KIAA1217: variants seen among roughly 807,000 people sequenced by gnomAD.
KIAA1217 encodes the protein sickle tail protein homolog.
A neutral mutation model predicts 163.9 loss-of-function variants in KIAA1217; 88 were observed. The ratio of observed to expected loss-of-function variants is 0.54; its 90% CI spans 0.45 to 0.64. The LOEUF (loss-of-function observed/expected upper bound fraction) is 0.64, where lower values mean the gene tolerates loss of function less well. Among genes scored for constraint, KIAA1217 ranks in the 30% least tolerant of loss-of-function variants. KIAA1217 has a pLI of 0.00. For synonymous variants in KIAA1217, 903 were observed against 923.1 expected (o/e 0.98, Z 0.39); for missense variants, 2,372 against 2,475.0 (o/e 0.96, Z 0.88).
At chr10:23,942,003 C>T (rs1027689872) in intron 1 of KIAA1217, among the ~76,000 whole-genome samples, 10 of 152,160 alleles carry the variant, frequency 6.6e-5, no homozygotes, top group East Asian at 5.8e-4. Flanking sequence ...AGATCTACAC[C>T]GCACAGAGGA....
At chr10:23,980,910 G>A (rs1845737543) in intron 1 of KIAA1217, among the ~76,000 whole-genome samples, 1 of 152,174 alleles carries the variant, frequency 6.6e-6, no homozygotes, top group Non-Finnish European at 1.5e-5. Context: ...TTGAAATAGA[G>A]ATCAATGGGT....
At position 24,547,817 on chromosome 10, in the gene KIAA1217, T is replaced by A. The variant is rs1221472777; in HGVS notation, c.*1493T>A. ...CTTTTTAAAAAACTTCCAGTAGAAGTAAAGTGGAAATAAAATGTCTTTATC... is the reference window on the plus strand; with the variant it reads ...CTTTTTAAAAAACTTCCAGTAGAAGAAAAGTGGAAATAAAATGTCTTTATC... On this transcript the variant is annotated 3_prime_UTR_variant, in exon 21 of 21. Coordinates refer to ENST00000376454, the MANE Select transcript of KIAA1217 (RefSeq NM_019590.5). The A allele has an allele frequency of 6.6e-6, 1 of 152,148 alleles. No homozygotes were observed. The highest frequency in any genetic ancestry group is 1.5e-5 in the Non-Finnish European group (1 of 68,016). 9.4% of individuals were successfully genotyped at this position (152,148 alleles called of 1,614,324 possible).
At chr10:24,175,606 T>C (rs1327004354) in intron 2 of KIAA1217, among the ~76,000 whole-genome samples, 1 of 152,188 alleles carries the variant, frequency 6.6e-6, no homozygotes, top group African/African-American at 2.4e-5. Flanking sequence ...TTGGGCTCAC[T>C]GACTTCAAGA....
intron 3 of KIAA1217, among the ~76,000 whole-genome samples, 168 bp downstream of exon 3, chr10:24,381,235 C>T (rs1338695360): frequency 6.6e-6 from 1 of 152,166 alleles, no homozygotes; most frequent in African/African-American, 2.4e-5. Context: ...GATTTGCCTG[C>T]TGGGTAATCA....
At chr10:23,928,672 G>A (rs536480180) in intron 1 of KIAA1217, among the ~76,000 whole-genome samples, 1 of 152,222 alleles carries the variant, frequency 6.6e-6, no homozygotes, top group African/African-American at 2.4e-5. Flanking sequence ...TGCTTACTAC[G>A]TGTCATGCCC....
intron 9 of KIAA1217, among the ~76,000 whole-genome samples, chr10:24,506,877 A>G (rs2068434511): frequency 6.6e-6 from 1 of 152,208 alleles, no homozygotes; most frequent in African/African-American, 2.4e-5. Context: ...TCTGCAGAGA[A>G]AGAAGTACAT....
chr10:24,307,098 T>A (rs1262380858), intron 2 of KIAA1217, among the ~76,000 whole-genome samples: 1 of 152,224 alleles, frequency 6.6e-6, no homozygotes, highest in Non-Finnish European at 1.5e-5. Flanking sequence ...TATTCCTCCA[T>A]CACAGAAGGT....
intron 2 of KIAA1217, among the ~76,000 whole-genome samples, chr10:24,373,339 C>T (rs934940682): frequency 5.5e-4 from 84 of 152,286 alleles, no homozygotes; most frequent in African/African-American, 2.0e-3. Context: ...TCTTCCTGCG[C>T]AATTAGGAAC....
At chr10:24,049,913 C>T (rs967501736) in intron 2 of KIAA1217, among the ~76,000 whole-genome samples, 1 of 152,162 alleles carries the variant, frequency 6.6e-6, no homozygotes, top group African/African-American at 2.4e-5. Flanking sequence ...AACTAATTTA[C>T]ACTCCCACCA....
At chr10:24,488,743 T>C (rs557802413) in intron 6 of KIAA1217, among the ~76,000 whole-genome samples, 2 of 152,302 alleles carry the variant, frequency 1.3e-5, no homozygotes, top group African/African-American at 4.8e-5. Context: ...GGTTTTTTTT[T>C]CCTCATACCA....
chr10:24,019,776 A>G (rs1166489447), intron 2 of KIAA1217, among the ~76,000 whole-genome samples: 1 of 152,052 alleles, frequency 6.6e-6, no homozygotes, highest in Non-Finnish European at 1.5e-5. Context: ...ATAGAAAATC[A>G]GAGCAGAATA....
At chr10:24,007,044 A>G (rs191908812) in intron 1 of KIAA1217, among the ~76,000 whole-genome samples, 3 of 152,278 alleles carry the variant, frequency 2.0e-5, no homozygotes, top group Admixed American at 6.5e-5. Context: ...CTTGAACTCT[A>G]ACTTTGGATA....
chr10:24,219,908 A>G lies in KIAA1217; in HGVS notation c.353A>G (p.Gln118Arg). ...IMGHQERLRDQTRSPKLSHSP... is the reference protein window; with the variant it reads ...IMGHQERLRDRTRSPKLSHSP... ...GGTCACCAAGAGAGGCTGAGAGACC[A>G]GGTACGAATATGCTCTCATTTCTCC... is the stretch of plus-strand genomic sequence containing the variant. Residue 118 changes from glutamine (Q) to arginine (R), a missense_variant and splice_region_variant, in exon 2 of 21, where the codon CAG becomes CGG. By Grantham distance (43) the Gln-to-Arg change is conservative. Transcript: ENST00000376454. 6.3e-7 allele frequency: 1 copy of G among 1,588,956 alleles called. No homozygotes were observed. Among genetic ancestry groups the G allele is most frequent in the Non-Finnish European group, 8.6e-7 (1 of 1,168,142 alleles).
intron 19 of KIAA1217, among the ~76,000 whole-genome samples, 169 bp downstream of exon 19, chr10:24,544,650 AAAC>A (rs925090945): frequency 4.0e-5 from 6 of 151,166 alleles, no homozygotes; most frequent in East Asian, 1.9e-4. Context: ...CTCACCTTCC[AAAC>A]AACAACAACT....
At chr10:24,010,021 T>C (rs991065786) in intron 2 of KIAA1217, among the ~76,000 whole-genome samples, 1 of 152,040 alleles carries the variant, frequency 6.6e-6, no homozygotes, top group Non-Finnish European at 1.5e-5. Flanking sequence ...AAGTTAGGGG[T>C]TGGATATCTT....
intron 1 of KIAA1217, among the ~76,000 whole-genome samples, chr10:23,921,014 C>T (rs1217579674): frequency 2.0e-5 from 3 of 152,162 alleles, no homozygotes; most frequent in African/African-American, 7.2e-5. Context: ...GATTGTGAAG[C>T]CTCCCTAGCT....
intron 2 of KIAA1217, among the ~76,000 whole-genome samples, chr10:24,155,807 G>A (rs191207585): frequency 6.6e-6 from 1 of 151,992 alleles, no homozygotes; most frequent in East Asian, 1.9e-4. Flanking sequence ...TGGTGACACA[G>A]TGAGACTCTG....
At chr10:24,542,314 CTT>C in intron 17 of KIAA1217, 1 of 217,826 alleles carries the variant, frequency 4.6e-6, no homozygotes, top group East Asian at 1.1e-4. Context: ...AGGATCAAAA[CTT>C]TCTGTCAGCC....
At chr10:24,322,751 C>T (rs1197674931) in intron 2 of KIAA1217, among the ~76,000 whole-genome samples, 5 of 152,144 alleles carry the variant, frequency 3.3e-5, no homozygotes, top group Non-Finnish European at 1.5e-5. Flanking sequence ...TGCAGGGCTG[C>T]TCATCTGAAT....
Sources: allele counts gnomAD v4.1 joint callset (sites outside exome capture counted in the v4.1 genomes callset), GRCh38; gene constraint gnomAD v4.1.1; transcripts MANE v1.5; gene names NCBI Gene and HGNC (gene_info 2026-07-23, HGNC 2026-07-21).